Variants in PCYT1B observed in about 807,000 individuals in gnomAD.
PCYT1B encodes the protein phosphate cytidylyltransferase 1B, choline, also known as choline-phosphate cytidylyltransferase B.
In PCYT1B, 10 loss-of-function variants were observed where a neutral mutation model predicts 26.4. The ratio of observed to expected loss-of-function variants is 0.38; its 90% CI spans 0.23 to 0.64. PCYT1B has a LOEUF of 0.64. Among genes scored for constraint, PCYT1B ranks in the 30% least tolerant of loss-of-function variants. The pLI, the probability that PCYT1B is intolerant of heterozygous loss-of-function variation, is 0.56. For synonymous variants in PCYT1B, 131 were observed against 108.4 expected, an observed-to-expected ratio of 1.21 and a Z score of -1.29; for missense variants, 161 against 292.7, an observed-to-expected ratio of 0.55 and a Z score of 3.28.
chrX:24,662,446 G>A (rs1345118917), intron 1 of PCYT1B, among the ~76,000 whole-genome samples: 2 of 111,130 alleles, frequency 1.8e-5, no homozygotes, highest in Non-Finnish European at 3.8e-5. Flanking sequence ...CAGGACAATC[G>A]TCCACTGTAA....
chrX:24,672,086 C>T (rs1017618323), intron 1 of PCYT1B, among the ~76,000 whole-genome samples: 10 of 111,792 alleles, frequency 8.9e-5, no homozygotes, highest in South Asian at 3.8e-4. Flanking sequence ...CGCTTGAACC[C>T]GGGAGGCAGA....
chrX:24,647,609 A>G (rs1926672148), upstream of PCYT1B, among the ~76,000 whole-genome samples: 1 of 112,528 alleles, frequency 8.9e-6, no homozygotes, highest in African/African-American at 3.2e-5. Context: ...TTGAGAAACA[A>G]CATAGCAGAC....
At chrX:24,660,970 A>G (rs1237705077) in intron 1 of PCYT1B, among the ~76,000 whole-genome samples, 4 of 111,590 alleles carry the variant, frequency 3.6e-5, no homozygotes, top group African/African-American at 1.3e-4. Context: ...TGCTCAAAAC[A>G]TTTTTGGAAT....
chrX:24,660,695 AAG>A (rs1927011011), intron 1 of PCYT1B, among the ~76,000 whole-genome samples: 1 of 109,451 alleles, frequency 9.1e-6, no homozygotes, highest in Non-Finnish European at 1.9e-5. Flanking sequence ...AAAAAAAAAA[AAG>A]AGGAAAAAAA....
At chrX:24,619,252 T>C in intron 1 of PCYT1B, 168 bp from the exon 2 acceptor site, 1 of 434,700 alleles carries the variant, frequency 2.3e-6, no homozygotes, top group Non-Finnish European at 4.1e-6. Flanking sequence ...TAGGGCATCA[T>C]CACTGAAACC....
At chrX:24,615,117 G>C (rs571955465) in intron 2 of PCYT1B, among the ~76,000 whole-genome samples, 1 of 112,086 alleles carries the variant, frequency 8.9e-6, no homozygotes, top group East Asian at 2.8e-4. Flanking sequence ...ACCGCCCTCG[G>C]CCTGATATTT....
At chrX:24,670,117 G>GA (rs1569261924) in intron 1 of PCYT1B, among the ~76,000 whole-genome samples, 82 of 74,651 alleles carry the variant, frequency 1.1e-3, no homozygotes, top group Middle Eastern at 6.7e-3. Context: ...AGAAAGAAAG[G>GA]AAGGAAGGAA....
chrX:24,599,618 T>A (rs1336972457), intron 3 of PCYT1B, among the ~76,000 whole-genome samples: 1 of 111,811 alleles, frequency 8.9e-6, no homozygotes, highest in Non-Finnish European at 1.9e-5. Flanking sequence ...TTTGGTTAGT[T>A]ATGCTCTAAT....
At chrX:24,564,346 TTTG>T (rs1216003817) in intron 7 of PCYT1B, among the ~76,000 whole-genome samples, 1 of 99,763 alleles carries the variant, frequency 1.0e-5, no homozygotes, top group Non-Finnish European at 2.0e-5. Flanking sequence ...AAGTTTTTGT[TTTG>T]TTTTGTTTTT....
chrX:24,602,798 TTTTATTTA>T (rs948542420), intron 3 of PCYT1B, among the ~76,000 whole-genome samples: 2 of 111,685 alleles, frequency 1.8e-5, no homozygotes, highest in Admixed American at 1.9e-4. Context: ...TATTTACTTA[TTTTATTTA>T]TTTATTTATT....
chrX:24,630,434 C>T (rs186873600), intron 1 of PCYT1B, among the ~76,000 whole-genome samples: 8 of 109,858 alleles, frequency 7.3e-5, no homozygotes, highest in East Asian at 2.9e-4. Flanking sequence ...TAGCTGGGAC[C>T]ACAGGTGCCC....
chrX:24,625,890 G>A (rs1249747334), intron 1 of PCYT1B, among the ~76,000 whole-genome samples: 1 of 108,229 alleles, frequency 9.2e-6, no homozygotes, highest in African/African-American at 3.4e-5. Context: ...AAGGCAGGTG[G>A]ATCGCCTGAG....
chrX:24,664,355 C>T (rs942432151), intron 1 of PCYT1B, among the ~76,000 whole-genome samples: 1 of 111,631 alleles, frequency 9.0e-6, no homozygotes, highest in Admixed American at 9.6e-5. Flanking sequence ...AGGAGAAATT[C>T]GAAATGTGAT....
chrX:24,599,754 G>A (rs1981761485), intron 3 of PCYT1B, among the ~76,000 whole-genome samples: 1 of 111,261 alleles, frequency 9.0e-6, no homozygotes, highest in Admixed American at 9.6e-5. Context: ...AAGTTTGAGG[G>A]AAAAAATGAA....
At chrX:24,607,223 T>A (rs1178983810) in intron 3 of PCYT1B, among the ~76,000 whole-genome samples, 13 of 112,036 alleles carry the variant, frequency 1.2e-4, no homozygotes, top group Admixed American at 1.1e-3. Context: ...GGTATATAAA[T>A]CTCCATGTCT....
intron 1 of PCYT1B, among the ~76,000 whole-genome samples, chrX:24,670,084 GA>G (rs1569261809): frequency 3.5e-5 from 3 of 86,226 alleles, no homozygotes; most frequent in Non-Finnish European, 6.8e-5. Context: ...AAGAAAGAAA[GA>G]AAGAAAGAAA....
chrX:24,657,622 G>C (rs1277035427), intron 1 of PCYT1B, among the ~76,000 whole-genome samples: 3 of 112,089 alleles, frequency 2.7e-5, no homozygotes, highest in African/African-American at 9.7e-5. Context: ...AGGTGGCTCA[G>C]AGACCTTCAA....
chrX:24,646,615 T>C (rs1926633997), intron 1 of PCYT1B, among the ~76,000 whole-genome samples: 1 of 111,239 alleles, frequency 9.0e-6, no homozygotes, highest in Non-Finnish European at 1.9e-5. Context: ...AGCTAGAATT[T>C]AAAACTTAAC....
Position 24,562,530 on chromosome X carries a change from A to G in PCYT1B, c.898-25T>C, listed in dbSNP as rs1923462382. 3 of 1,167,759 alleles carry G rather than the reference A, an allele frequency of 2.6e-6. No homozygotes were observed. The Middle Eastern group carries it at 7.1e-4, about 276-fold the overall frequency. On this transcript the variant is annotated intron_variant, in intron 7 of 7. Transcript: ENST00000379144. The stretch of plus-strand genomic sequence containing the variant: ...TCTAAAGATAAATTGGAGAGAAGGC[A>G]TCTGTTAACTTTGCAATCTGAGGCA...
Sources: allele counts gnomAD v4.1 joint callset (sites outside exome capture counted in the v4.1 genomes callset), GRCh38; gene constraint gnomAD v4.1.1; transcripts MANE v1.5; gene names NCBI Gene and HGNC (gene_info 2026-07-23, HGNC 2026-07-21).